The following SETDB2 variants were observed in gnomAD, a reference collection of about 807,000 sequenced individuals.
The protein encoded by SETDB2 is SET domain bifurcated histone lysine methyltransferase 2.
In SETDB2, 56 loss-of-function variants were observed where a neutral mutation model predicts 82.5. That is an observed-to-expected ratio of 0.68 (90% CI 0.55 to 0.85). The LOEUF (loss-of-function observed/expected upper bound fraction) is 0.85, where lower values mean the gene tolerates loss of function less well. Ranked by LOEUF, SETDB2 falls within the 40% of genes least tolerant of loss-of-function variation. SETDB2 has a pLI of 0.00. For synonymous variants in SETDB2, 272 were observed against 284.9 expected (o/e 0.95, Z 0.46); for missense variants, 677 against 816.4 (o/e 0.83, Z 2.08).
chr13:49,466,834 G>A (rs879744829), intron 4 of SETDB2, among the ~76,000 whole-genome samples: 1 of 57,856 alleles, frequency 1.7e-5, no homozygotes, highest in Admixed American at 2.0e-4. Flanking sequence ...TTTTTTTTCT[G>A]TCGTAGAGAC....
At chr13:49,471,699 TAAATA>T (rs940880080) in intron 5 of SETDB2, among the ~76,000 whole-genome samples, 3 of 151,752 alleles carry the variant, frequency 2.0e-5, no homozygotes, top group African/African-American at 7.3e-5. Context: ...CACACATATA[TAAATA>T]AAATAGGTCT....
chr13:49,471,194 C>T (rs1022215870), intron 5 of SETDB2, among the ~76,000 whole-genome samples: 1 of 150,740 alleles, frequency 6.6e-6, no homozygotes, highest in African/African-American at 2.4e-5. Flanking sequence ...CCAGGCAGGT[C>T]GTGAACTCCT....
At chr13:49,446,333 G>T in intron 1 of SETDB2, 5 of 454,686 alleles carry the variant, frequency 1.1e-5, no homozygotes, top group South Asian at 7.8e-5. Flanking sequence ...ATAGCTTCCC[G>T]TATTTTTCCT....
intron 11 of SETDB2, among the ~76,000 whole-genome samples, chr13:49,486,446 G>T (rs1294411205): frequency 6.6e-6 from 1 of 152,178 alleles, no homozygotes; most frequent in Non-Finnish European, 1.5e-5. Context: ...TTGCTATTTT[G>T]CCTTCTGCAG....
intron 5 of SETDB2, among the ~76,000 whole-genome samples, chr13:49,471,913 C>CATATATATATAT (rs1232849321): frequency 0.016 from 1,709 of 107,542 alleles, 53 homozygotes; most frequent in East Asian, 0.065. Context: ...TCTCATGTGA[C>CATATATATATAT]ATATATATAT....
At chr13:49,448,549 C>G (rs1421192440) in intron 1 of SETDB2, among the ~76,000 whole-genome samples, 3 of 152,114 alleles carry the variant, frequency 2.0e-5, no homozygotes, top group Non-Finnish European at 4.4e-5. Context: ...AAACCATATA[C>G]ATTATTTGGG....
intron 5 of SETDB2, among the ~76,000 whole-genome samples, chr13:49,468,661 A>G (rs7317772): frequency 0.57 from 79,180 of 139,782 alleles, 21,804 homozygotes; most frequent in Middle Eastern, 0.6. Context: ...TAAATTGACT[A>G]AGAAAAACTA....
At chr13:49,487,486 C>A (rs570824202) in intron 11 of SETDB2, among the ~76,000 whole-genome samples, 1 of 152,210 alleles carries the variant, frequency 6.6e-6, no homozygotes, top group East Asian at 1.9e-4. Flanking sequence ...CAGGCACACA[C>A]CCCCTTGTTG....
intron 8 of SETDB2, chr13:49,481,942 AT>A (rs1958487433): frequency 2.1e-6 from 1 of 474,240 alleles, no homozygotes; most frequent in African/African-American, 2.1e-5. Context: ...TAGAAAAGAA[AT>A]ATCAGGTTCA....
chr13:49,466,569 C>G (rs949059007), intron 4 of SETDB2, among the ~76,000 whole-genome samples: 5 of 152,062 alleles, frequency 3.3e-5, no homozygotes, highest in Non-Finnish European at 7.4e-5. Flanking sequence ...TAACTTTTCC[C>G]TTTGGCATAA....
intron 2 of SETDB2, among the ~76,000 whole-genome samples, chr13:49,455,805 TA>T (rs10718686): frequency 0.017 from 2,621 of 152,146 alleles, 85 homozygotes; most frequent in African/African-American, 0.06. Flanking sequence ...CTAGATAGTT[TA>T]GTTTACAAGT....
chr13:49,490,050 G>A (rs1415819097), intron 12 of SETDB2, among the ~76,000 whole-genome samples: 1 of 149,684 alleles, frequency 6.7e-6, no homozygotes, highest in Non-Finnish European at 1.5e-5. Context: ...GCCAAGGCAG[G>A]CAGATCACTT....
chr13:49,476,432 T>C (rs760659461), intron 5 of SETDB2, 44 bp from the exon 6 acceptor site: 1 of 1,281,686 alleles, frequency 7.8e-7, no homozygotes, highest in South Asian at 1.4e-5. Context: ...AATGAGGAAT[T>C]GAACTATAAA....
Position 49,467,972 on chromosome 13 carries a change from A to G in SETDB2, c.305+12A>G. 1 of 1,543,582 alleles carries G rather than the reference A, an allele frequency of 6.5e-7. No homozygotes were observed. Among genetic ancestry groups the G allele is most frequent in the Non-Finnish European group, 8.8e-7 (1 of 1,134,576 alleles). ...GACTGTACATTTCTGTATGTATATA[A>G]ATTCTTTGTTATTAATGCTTTTGCT... On this transcript the variant is annotated intron_variant, in intron 5 of 13. Transcript: ENST00000611815.
intron 3 of SETDB2, among the ~76,000 whole-genome samples, chr13:49,460,801 T>G (rs901077188): frequency 6.6e-6 from 1 of 152,184 alleles, no homozygotes. Context: ...GACATTATTA[T>G]TATGTGTTTA....
intron 4 of SETDB2, among the ~76,000 whole-genome samples, chr13:49,462,778 T>G (rs999307161): frequency 6.6e-6 from 1 of 152,222 alleles, no homozygotes; most frequent in Non-Finnish European, 1.5e-5. Context: ...ATCACCAGTC[T>G]ATTTTAAGTA....
chr13:49,463,341 G>A lies in SETDB2; in HGVS notation c.208+2179G>A, dbSNP rs186751177. On this transcript the variant is annotated intron_variant, in intron 4 of 13. Transcript: ENST00000611815. ...TTAATTTTATATGCACAAGTGTTGC[G>A]GGAATTAGGAGGACCAGAGAGACCT... is the stretch of plus-strand genomic sequence containing the variant. Among the ~76,000 whole-genome samples, 726 of 152,164 alleles carry A rather than the reference G, an allele frequency of 4.8e-3. 5 individuals are homozygous for A. The highest frequency in any genetic ancestry group is 6.7e-3 in the Non-Finnish European group (455 of 67,982).
chr13:49,480,884 T>G (rs1958463875), intron 7 of SETDB2, 63 bp from the exon 8 acceptor site: 1 of 1,552,948 alleles, frequency 6.4e-7, no homozygotes, highest in Non-Finnish European at 8.8e-7. Context: ...TCAGTGTCAG[T>G]GAAGTGTCAA....
chr13:49,467,040 T>C (rs1314650974), intron 4 of SETDB2, among the ~76,000 whole-genome samples: 1 of 152,098 alleles, frequency 6.6e-6, no homozygotes, highest in African/African-American at 2.4e-5. Flanking sequence ...AACCTTGAAA[T>C]ACAATATCCT....
Sources: gnomAD v4.1 joint callset for allele counts (sites outside exome capture counted in the v4.1 genomes callset) on GRCh38, gnomAD v4.1.1 for gene constraint, MANE v1.5 for transcripts, NCBI Gene and HGNC (gene_info 2026-07-23, HGNC 2026-07-21) for gene names.